The following NKAIN2 variants were observed in gnomAD, a reference collection of about 807,000 sequenced individuals.
NKAIN2 encodes the protein sodium/potassium transporting ATPase interacting 2, also known as sodium/potassium-transporting ATPase subunit beta-1-interacting protein 2.
In NKAIN2, 14 loss-of-function variants were observed where a neutral mutation model predicts 32.6. That is an observed-to-expected ratio of 0.43 (90% confidence interval 0.28 to 0.67). The LOEUF is 0.67. NKAIN2 is among the 30% of genes least tolerant of loss of function. NKAIN2 has a pLI of 0.17. For synonymous variants in NKAIN2, 80 were observed against 87.2 expected (o/e 0.92, Z 0.46); for missense variants, 198 against 258.3 (o/e 0.77, Z 1.60).
intron 3 of NKAIN2, among the ~76,000 whole-genome samples, chr6:124,467,804 T>C (rs1449459086): frequency 6.6e-6 from 1 of 152,096 alleles, no homozygotes; most frequent in Non-Finnish European, 1.5e-5. Flanking sequence ...TTAAAGAAAA[T>C]GTTTACTTTG....
chr6:124,331,673 C>T (rs1228609479), intron 2 of NKAIN2, among the ~76,000 whole-genome samples: 3 of 152,140 alleles, frequency 2.0e-5, no homozygotes, highest in Non-Finnish European at 2.9e-5. Context: ...CACCTTGTGG[C>T]CCTGCATTTG....
At chr6:124,259,386 G>A in intron 1 of NKAIN2, among the ~76,000 whole-genome samples, 1 of 152,072 alleles carries the variant, frequency 6.6e-6, no homozygotes, top group Non-Finnish European at 1.5e-5. Context: ...GATACTATCT[G>A]GGAGGGCTGA....
chr6:124,032,014 C>T (rs1311642696), intron 1 of NKAIN2, among the ~76,000 whole-genome samples: 1 of 151,864 alleles, frequency 6.6e-6, no homozygotes, highest in Non-Finnish European at 1.5e-5. Context: ...GGAACCAACT[C>T]AAATGTCCAT....
At chr6:124,341,683 A>G (rs915369258) in intron 2 of NKAIN2, among the ~76,000 whole-genome samples, 1 of 152,220 alleles carries the variant, frequency 6.6e-6, no homozygotes, top group Non-Finnish European at 1.5e-5. Flanking sequence ...AGCATAATCT[A>G]TGATTAGAAT....
intron 4 of NKAIN2, among the ~76,000 whole-genome samples, chr6:124,759,645 ACACACACACACC>A (rs1211249016): frequency 0.035 from 2,992 of 85,208 alleles, 218 homozygotes; most frequent in Non-Finnish European, 0.048. Context: ...ACACACACAC[ACACACACACACC>A]CCCTATCTCC....
chr6:124,412,025 G>A (rs1037187061), intron 3 of NKAIN2, among the ~76,000 whole-genome samples: 1 of 152,122 alleles, frequency 6.6e-6, no homozygotes, highest in Non-Finnish European at 1.5e-5. Context: ...GTGGTTTTCA[G>A]CTCCATCAGG....
chr6:124,410,098 G>A (rs1045661166), intron 3 of NKAIN2, among the ~76,000 whole-genome samples: 2 of 151,870 alleles, frequency 1.3e-5, no homozygotes, highest in Non-Finnish European at 2.9e-5. Context: ...TTCTTTATTA[G>A]TCTTGCTAGT....
chr6:124,772,000 AAGTC>A lies in NKAIN2; in HGVS notation c.475-19336_475-19333del, dbSNP rs1307416087. On this transcript the variant is annotated intron_variant, in intron 4 of 6. Transcript: ENST00000368417. The stretch of plus-strand genomic sequence containing the variant: ...TGCAATAGAAATATAATGGGTGTGA[AAGTC>A]AGGAGGCAAATTTTGAAAATGCCAC... Among the ~76,000 whole-genome samples the A allele has an allele frequency of 2.6e-5, 4 of 152,208 alleles. No homozygotes were observed. In the East Asian group the frequency reaches 7.7e-4, roughly 29 times the overall value.
chr6:124,517,278 C>T (rs1778949962), intron 3 of NKAIN2, among the ~76,000 whole-genome samples: 1 of 152,086 alleles, frequency 6.6e-6, no homozygotes, highest in Admixed American at 6.6e-5. Flanking sequence ...CACTCCAAAA[C>T]TGAAGAGGGA....
intron 1 of NKAIN2, among the ~76,000 whole-genome samples, chr6:123,901,675 A>G (rs931722051): frequency 2.0e-5 from 3 of 152,132 alleles, no homozygotes; most frequent in African/African-American, 7.2e-5. Flanking sequence ...ATTGCATGAG[A>G]AACTTTGAAA....
At chr6:123,879,084 A>G (rs1773320179) in intron 1 of NKAIN2, among the ~76,000 whole-genome samples, 1 of 152,224 alleles carries the variant, frequency 6.6e-6, no homozygotes, top group African/African-American at 2.4e-5. Context: ...AGTATGTACT[A>G]TGACATGCAA....
intron 1 of NKAIN2, among the ~76,000 whole-genome samples, chr6:123,931,158 A>C (rs1388180533): frequency 6.6e-6 from 1 of 151,798 alleles, no homozygotes; most frequent in African/African-American, 2.4e-5. Flanking sequence ...CGAGACCATC[A>C]AAGCTTTCTG....
intron 1 of NKAIN2, among the ~76,000 whole-genome samples, chr6:124,146,662 ATAT>A (rs1232777474): frequency 6.6e-6 from 1 of 152,210 alleles, no homozygotes; most frequent in Non-Finnish European, 1.5e-5. Flanking sequence ...ACACTGTAGA[ATAT>A]TATTATTCAT....
At chr6:124,290,085 A>T (rs1370112815) in intron 2 of NKAIN2, among the ~76,000 whole-genome samples, 1 of 152,130 alleles carries the variant, frequency 6.6e-6, no homozygotes, top group African/African-American at 2.4e-5. Context: ...AGTTTAATGG[A>T]TTTAGCCTGT....
chr6:124,084,524 T>G (rs1284149899), intron 1 of NKAIN2, among the ~76,000 whole-genome samples: 1 of 152,032 alleles, frequency 6.6e-6, no homozygotes, highest in African/African-American at 2.4e-5. Context: ...TCTCAGATTG[T>G]ATCTCTGTTG....
intron 1 of NKAIN2, among the ~76,000 whole-genome samples, chr6:123,931,398 TTAAGAAA>T (rs1404762199): frequency 1.3e-5 from 2 of 152,168 alleles, no homozygotes; most frequent in African/African-American, 4.8e-5. Flanking sequence ...CTCTTGAAAG[TTAAGAAA>T]TAAAAATAAA....
At chr6:124,274,508 T>TGTTCA (rs1234526637) in intron 1 of NKAIN2, among the ~76,000 whole-genome samples, 3 of 152,122 alleles carry the variant, frequency 2.0e-5, no homozygotes, top group African/African-American at 7.2e-5. Flanking sequence ...GGTTCCCCTG[T>TGTTCA]GTTCAGTTGC....
chr6:124,403,300 A>AT (rs60671705), intron 3 of NKAIN2, among the ~76,000 whole-genome samples: 14,519 of 152,032 alleles, frequency 0.095, 2,092 homozygotes, highest in African/African-American at 0.31. Flanking sequence ...TATCAATTTG[A>AT]TTTTTTGTGT....
At chr6:123,908,536 A>G (rs1775005274) in intron 1 of NKAIN2, among the ~76,000 whole-genome samples, 1 of 152,178 alleles carries the variant, frequency 6.6e-6, no homozygotes, top group African/African-American at 2.4e-5. Context: ...GGATGCTCTT[A>G]TATTACAAAA....
Sources: gnomAD v4.1 joint callset for allele counts (sites outside exome capture counted in the v4.1 genomes callset) on GRCh38, gnomAD v4.1.1 for gene constraint, MANE v1.5 for transcripts, NCBI Gene and HGNC (gene_info 2026-07-23, HGNC 2026-07-21) for gene names.